RSRC1: variants seen among roughly 807,000 people sequenced by gnomAD.
RSRC1 encodes the protein arginine and serine rich coiled-coil 1, also known as serine/Arginine-related protein 53.
RSRC1 carries 39 observed loss-of-function variants against 49.1 expected under a neutral mutation model. That is an observed-to-expected ratio of 0.79 (90% confidence interval 0.61 to 1.04). The LOEUF (loss-of-function observed/expected upper bound fraction) is 1.04, where lower values mean the gene tolerates loss of function less well. Among genes scored for constraint, RSRC1 ranks in the 50% least tolerant of loss-of-function variants. RSRC1 has a pLI of 0.00. For missense variants in RSRC1, 388 were observed against 402.4 expected (o/e 0.96, Z 0.31); for synonymous variants, 143 against 130.8 (o/e 1.09, Z -0.63).
At chr3:158,167,244 T>A (rs1261789372) in intron 3 of RSRC1, among the ~76,000 whole-genome samples, 3 of 152,174 alleles carry the variant, frequency 2.0e-5, no homozygotes, top group Non-Finnish European at 4.4e-5. Context: ...TGCAGTGCAG[T>A]AGTACGATCT....
At chr3:158,222,393 G>A (rs1722271936) in intron 4 of RSRC1, among the ~76,000 whole-genome samples, 1 of 151,436 alleles carries the variant, frequency 6.6e-6, no homozygotes, top group Non-Finnish European at 1.5e-5. Context: ...ATTGCTGAGA[G>A]TAGATATTAG....
At position 158,518,800 on chromosome 3, in the gene RSRC1, A is replaced by T. The variant is rs141945547; in HGVS notation, c.653-18292A>T. On this transcript the variant is annotated intron_variant, in intron 7 of 9. Coordinates refer to ENST00000611884, the MANE Select transcript of RSRC1 (RefSeq NM_001271838.2). ...AACACCCTCTTTTTCAGTTTATATA[A>T]CATAGTACTGAATCTGGTTTTTCTA... Among the ~76,000 whole-genome samples the T allele has an allele frequency of 4.7e-3, 710 of 152,220 alleles. 8 individuals are homozygous for T. The highest frequency in any genetic ancestry group is 0.016 in the African/African-American group (681 of 41,532).
chr3:158,164,181 C>T (rs1718405694), intron 3 of RSRC1, among the ~76,000 whole-genome samples: 1 of 152,056 alleles, frequency 6.6e-6, no homozygotes, highest in South Asian at 2.1e-4. Flanking sequence ...AATGAAACTT[C>T]TATAGGCTTA....
intron 8 of RSRC1, among the ~76,000 whole-genome samples, chr3:158,542,402 G>T (rs183650896): frequency 6.6e-6 from 1 of 152,190 alleles, no homozygotes; most frequent in African/African-American, 2.4e-5. Flanking sequence ...GTGCATGGTG[G>T]TGTGCACCTG....
intron 6 of RSRC1, among the ~76,000 whole-genome samples, chr3:158,398,790 A>C (rs1212730120): frequency 6.6e-6 from 1 of 152,120 alleles, no homozygotes; most frequent in African/African-American, 2.4e-5. Context: ...TAACTTATTC[A>C]ACACTGTATC....
chr3:158,310,898 ACTT>A, intron 5 of RSRC1, among the ~76,000 whole-genome samples: 1 of 151,888 alleles, frequency 6.6e-6, no homozygotes, highest in South Asian at 2.1e-4. Context: ...TGCCAATATT[ACTT>A]CTTTCTTCCC....
At chr3:158,372,562 C>A (rs1464306498) in intron 6 of RSRC1, among the ~76,000 whole-genome samples, 1 of 151,888 alleles carries the variant, frequency 6.6e-6, no homozygotes, top group Non-Finnish European at 1.5e-5. Context: ...TGTATGGAGT[C>A]TGGAAATTAG....
chr3:158,199,899 A>G (rs1257916006), intron 3 of RSRC1, among the ~76,000 whole-genome samples: 1 of 152,130 alleles, frequency 6.6e-6, no homozygotes, highest in East Asian at 1.9e-4. Flanking sequence ...CTGCCTATGA[A>G]TTGACCCTTT....
chr3:158,515,280 T>G (rs1312444136), intron 7 of RSRC1, among the ~76,000 whole-genome samples: 2 of 151,574 alleles, frequency 1.3e-5, no homozygotes, highest in African/African-American at 4.9e-5. Context: ...AGGAGCTCTT[T>G]TAGGGCAGGC....
chr3:158,383,756 A>G (rs528480566), intron 6 of RSRC1, among the ~76,000 whole-genome samples: 23 of 152,242 alleles, frequency 1.5e-4, no homozygotes, highest in African/African-American at 5.5e-4. Flanking sequence ...TGAAAATTTG[A>G]AAGACAGTAT....
chr3:158,122,034 T>C (rs1448543770), intron 1 of RSRC1, 69 bp from the exon 2 acceptor site: 1 of 845,816 alleles, frequency 1.2e-6, no homozygotes, highest in Non-Finnish European at 1.7e-6. Context: ...AAATAAAAAA[T>C]TAATATATTG....
intron 2 of RSRC1, among the ~76,000 whole-genome samples, chr3:158,122,709 C>G (rs955827731): frequency 6.6e-6 from 1 of 152,062 alleles, no homozygotes; most frequent in Non-Finnish European, 1.5e-5. Context: ...AGGTGTATCT[C>G]CTAATGCTAT....
chr3:158,521,523 C>T (rs994503964), intron 7 of RSRC1, among the ~76,000 whole-genome samples: 1 of 151,936 alleles, frequency 6.6e-6, no homozygotes, highest in Non-Finnish European at 1.5e-5. Flanking sequence ...CCACCTCTGC[C>T]CAGAGATCAT....
chr3:158,203,569 G>C (rs1356745509), intron 4 of RSRC1, among the ~76,000 whole-genome samples: 1 of 152,112 alleles, frequency 6.6e-6, no homozygotes, highest in African/African-American at 2.4e-5. Context: ...TTCATACTCT[G>C]TTTCCTTTGT....
At chr3:158,325,996 G>A (rs1319062285) in intron 5 of RSRC1, among the ~76,000 whole-genome samples, 1 of 152,160 alleles carries the variant, frequency 6.6e-6, no homozygotes, top group African/African-American at 2.4e-5. Flanking sequence ...AAGCAATAGT[G>A]AATAGCAGTT....
At chr3:158,440,036 T>C (rs1263086917) in intron 6 of RSRC1, among the ~76,000 whole-genome samples, 1 of 151,808 alleles carries the variant, frequency 6.6e-6, no homozygotes, top group African/African-American at 2.4e-5. Context: ...AAAATCTGGA[T>C]GATGGGTTGA....
chr3:158,360,921 C>G (rs990569705), intron 6 of RSRC1, among the ~76,000 whole-genome samples: 5 of 152,194 alleles, frequency 3.3e-5, no homozygotes, highest in African/African-American at 1.2e-4. Flanking sequence ...AGCATGCAGC[C>G]CCAGCTGCGC....
chr3:158,436,735 A>G (rs1279687928), intron 6 of RSRC1, among the ~76,000 whole-genome samples: 1 of 151,904 alleles, frequency 6.6e-6, no homozygotes, highest in Non-Finnish European at 1.5e-5. Flanking sequence ...CTATAAAGGT[A>G]TATAGATAAT....
At chr3:158,302,057 CT>C (rs34995600) in intron 5 of RSRC1, among the ~76,000 whole-genome samples, 1 of 143,756 alleles carries the variant, frequency 7.0e-6, no homozygotes, top group Non-Finnish European at 1.5e-5. Context: ...TTTTGTTTTC[CT>C]TTTTTTTTGC....
Sources: allele counts gnomAD v4.1 joint callset (sites outside exome capture counted in the v4.1 genomes callset), GRCh38; gene constraint gnomAD v4.1.1; transcripts MANE v1.5; gene names NCBI Gene and HGNC (gene_info 2026-07-23, HGNC 2026-07-21).